Variants in CTNNA2 observed in about 807,000 individuals in gnomAD.
CTNNA2 encodes catenin alpha 2.
A neutral mutation model predicts 101.0 loss-of-function variants in CTNNA2; 42 were observed. The ratio of observed to expected loss-of-function variants is 0.42; its 90% confidence interval spans 0.32 to 0.54. CTNNA2 has a LOEUF of 0.54. CTNNA2 is among the 20% of genes least tolerant of loss of function. CTNNA2 has a pLI of 0.14. For synonymous variants in CTNNA2, 450 were observed against 456.4 expected (o/e 0.99, Z 0.18); for missense variants, 871 against 1,223.1 (o/e 0.71, Z 4.29).
chr2:79,956,534 G>T (rs1026996121), intron 7 of CTNNA2, among the ~76,000 whole-genome samples: 1 of 152,094 alleles, frequency 6.6e-6, no homozygotes, highest in African/African-American at 2.4e-5. Context: ...AAAAAGGCAG[G>T]AGAGTTTTAT....
In CTNNA2 at chr2:79,721,877, G is replaced by A. The variant is rs576999416; in HGVS notation, c.103-22510G>A. On this transcript the variant is annotated intron_variant, in intron 2 of 18. Coordinates refer to ENST00000402739, the MANE Select transcript of CTNNA2 (RefSeq NM_001282597.3). ...AAACAATAGCAATGTTTTTGAAAAT[G>A]TATTATGTAATACAGTGGAAAATGT... Among the ~76,000 whole-genome samples, 4 of 152,096 alleles carry A rather than the reference G, an allele frequency of 2.6e-5. No homozygotes were observed. In the South Asian group the frequency reaches 8.3e-4, roughly 32 times the overall value.
chr2:79,806,980 T>TCCAACGCCCCTGTTTCTCTTTATTCCC (rs1418497510), intron 3 of CTNNA2, among the ~76,000 whole-genome samples: 2 of 152,036 alleles, frequency 1.3e-5, no homozygotes, highest in African/African-American at 4.8e-5. Flanking sequence ...GTCCTATTCC[T>TCCAACGCCCCTGTTTCTCTTTATTCCC]CCAACGCCCC....
chr2:79,632,364 C>G (rs1280511627), intron 1 of CTNNA2, among the ~76,000 whole-genome samples: 1 of 152,038 alleles, frequency 6.6e-6, no homozygotes, highest in African/African-American at 2.4e-5. Flanking sequence ...TTCAGTTTGT[C>G]TAAATAAACT....
At chr2:79,268,113 G>C (rs1675010796) in intron 2 of CTNNA2, among the ~76,000 whole-genome samples, 1 of 152,132 alleles carries the variant, frequency 6.6e-6, no homozygotes, top group Admixed American at 6.6e-5. Flanking sequence ...CCTGTAGGCA[G>C]GGGCCTGATG....
At position 80,115,117 on chromosome 2, in the gene CTNNA2, C is replaced by T. The variant is rs115011181; in HGVS notation, c.1056+205320C>T. On this transcript the variant is annotated intron_variant, in intron 7 of 18. Transcript: ENST00000402739. The stretch of plus-strand genomic sequence containing the variant: ...TGGGGGCCAGTGATACTTACACACA[C>T]GATTTGTTAGATAATTCAGCAAGAG... Among the ~76,000 whole-genome samples, 726 of 152,272 alleles carry T rather than the reference C, an allele frequency of 4.8e-3. 57 individuals are homozygous for T. The South Asian group carries it at 0.15, about 31-fold the overall frequency.
intron 7 of CTNNA2, among the ~76,000 whole-genome samples, chr2:79,913,182 G>A (rs141700075): frequency 6.6e-6 from 1 of 152,304 alleles, no homozygotes; most frequent in African/African-American, 2.4e-5. Context: ...TCTAAAACAT[G>A]GGAGTTAGAG....
chr2:79,689,661 T>C (rs955152109), intron 2 of CTNNA2, among the ~76,000 whole-genome samples: 1 of 151,982 alleles, frequency 6.6e-6, no homozygotes, highest in Non-Finnish European at 1.5e-5. Flanking sequence ...GATGTAGATA[T>C]TAGAATTATA....
At chr2:79,814,883 T>A (rs545407523) in intron 3 of CTNNA2, among the ~76,000 whole-genome samples, 2 of 152,304 alleles carry the variant, frequency 1.3e-5, no homozygotes, top group South Asian at 4.1e-4. Flanking sequence ...CTAGTTTACA[T>A]TCCTACCAGC....
intron 1 of CTNNA2, chr2:79,637,032 G>A (rs555935150): frequency 2.6e-5 from 4 of 152,286 alleles, no homozygotes; most frequent in African/African-American, 9.6e-5. Context: ...CAGTGGAATG[G>A]TGAGGGCAGA....
chr2:79,330,177 C>T (rs1382195537), intron 3 of CTNNA2, among the ~76,000 whole-genome samples: 1 of 152,056 alleles, frequency 6.6e-6, no homozygotes, highest in Non-Finnish European at 1.5e-5. Context: ...CACACTGAGA[C>T]AGGAGAACTT....
At position 79,778,197 on chromosome 2, in the gene CTNNA2, T is replaced by A. The variant is rs566153653; in HGVS notation, c.298+33615T>A. ...TCTCTACTAAAAATACAAAAAAAAATTAACCGAGTATGGTGGCACATGCCT... is the reference window on the plus strand; with the variant it reads ...TCTCTACTAAAAATACAAAAAAAAAATAACCGAGTATGGTGGCACATGCCT... On this transcript the variant is annotated intron_variant, in intron 3 of 18. Transcript: ENST00000402739. 1.3e-4 allele frequency among the ~76,000 whole-genome samples: 19 copies of A among 151,912 alleles called. 1 individual carries two copies. The East Asian group carries it at 3.3e-3, about 26-fold the overall frequency.
At chr2:79,678,880 G>A (rs372813360) in intron 2 of CTNNA2, among the ~76,000 whole-genome samples, 43 of 152,258 alleles carry the variant, frequency 2.8e-4, no homozygotes, top group African/African-American at 1.0e-3. Flanking sequence ...CACTGTAAAT[G>A]CAATTTACAG....
intron 12 of CTNNA2, among the ~76,000 whole-genome samples, chr2:80,571,096 C>A (rs1490534032): frequency 1.3e-5 from 2 of 152,232 alleles, no homozygotes; most frequent in African/African-American, 4.8e-5. Flanking sequence ...CTCCCCATCT[C>A]TTCCTCAGGG....
At chr2:79,647,657 G>A (rs1680916576) in intron 1 of CTNNA2, among the ~76,000 whole-genome samples, 1 of 152,198 alleles carries the variant, frequency 6.6e-6, no homozygotes, top group Non-Finnish European at 1.5e-5. Flanking sequence ...CAGAGTATAT[G>A]ATAAATACTT....
chr2:80,197,215 T>C (rs1706896385), intron 7 of CTNNA2, among the ~76,000 whole-genome samples: 1 of 152,230 alleles, frequency 6.6e-6, no homozygotes, highest in Admixed American at 6.5e-5. Context: ...TAGTAGGATC[T>C]GTGAAGGCAG....
intron 2 of CTNNA2, among the ~76,000 whole-genome samples, chr2:79,694,947 G>T (rs1684556377): frequency 6.6e-6 from 1 of 151,128 alleles, no homozygotes; most frequent in Non-Finnish European, 1.5e-5. Flanking sequence ...GTTGTTACAG[G>T]AAAATTACCT....
intron 3 of CTNNA2, among the ~76,000 whole-genome samples, chr2:79,848,554 G>A (rs1309451991): frequency 6.6e-6 from 1 of 152,108 alleles, no homozygotes; most frequent in Non-Finnish European, 1.5e-5. Flanking sequence ...TCCCAACCCA[G>A]GAAAAGGCTA....
At chr2:80,272,724 ATAAG>A in intron 7 of CTNNA2, among the ~76,000 whole-genome samples, 1 of 152,230 alleles carries the variant, frequency 6.6e-6, no homozygotes, top group Admixed American at 6.5e-5. Flanking sequence ...ATATTTTAGT[ATAAG>A]TATGTCCCAT....
chr2:79,989,468 A>G (rs2103885445), intron 7 of CTNNA2, among the ~76,000 whole-genome samples: 1 of 152,246 alleles, frequency 6.6e-6, no homozygotes, highest in African/African-American at 2.4e-5. Context: ...TACAAAAACA[A>G]ACAAACAAAC....
Sources: gnomAD v4.1 joint callset for allele counts (sites outside exome capture counted in the v4.1 genomes callset) on GRCh38, gnomAD v4.1.1 for gene constraint, MANE v1.5 for transcripts, NCBI Gene and HGNC (gene_info 2026-07-23, HGNC 2026-07-21) for gene names.